SLC45A2: variants seen among roughly 807,000 people sequenced by gnomAD.
SLC45A2 encodes the protein membrane-associated transporter protein.
In SLC45A2, 36 loss-of-function variants were observed where a neutral mutation model predicts 45.5. That is an observed-to-expected ratio of 0.79 (90% CI 0.61 to 1.04). The LOEUF (loss-of-function observed/expected upper bound fraction) is 1.04, where lower values mean the gene tolerates loss of function less well. Among genes scored for constraint, SLC45A2 ranks in the 50% least tolerant of loss-of-function variants. SLC45A2 has a pLI of 0.00. For synonymous variants in SLC45A2, 306 were observed against 269.3 expected (o/e 1.14, Z -1.33); for missense variants, 719 against 671.0 (o/e 1.07, Z -0.79).
intron 5 of SLC45A2, 30 bp from the exon 6 acceptor site, chr5:33,947,404 G>A: frequency 6.4e-7 from 1 of 1,566,530 alleles, no homozygotes; most frequent in Non-Finnish European, 8.8e-7. Flanking sequence ...AGAAATTACA[G>A]CTGGCAGTGC....
At chr5:33,951,970 ATCT>A (rs1420793362) in intron 4 of SLC45A2, among the ~76,000 whole-genome samples, 1 of 151,910 alleles carries the variant, frequency 6.6e-6, no homozygotes, top group African/African-American at 2.4e-5. Flanking sequence ...CCCACCACTC[ATCT>A]TCTGCTACAG....
In SLC45A2 at chr5:33,944,787, A is replaced by G. The variant is rs749544685; in HGVS notation, c.1454T>C (p.Leu485Pro). The stretch of plus-strand genomic sequence containing the variant: ...GCCACCTCCGACCAGGATCTGAGCC[A>G]GCTGCACCATGCATGTGAGGGTGGC... The part of the protein sequence containing the change: ...DCATLTCMVQ[L>P]AQILVGGGLG... The change falls in exon 7 of 7, where the codon CTG becomes CCG. Residue 485 changes from leucine to proline, a missense_variant. Coordinates refer to ENST00000296589, the MANE Select transcript of SLC45A2 (RefSeq NM_016180.5). The G allele has an allele frequency of 1.3e-5, 21 of 1,614,104 alleles. No homozygotes were observed. The Admixed American group carries it at 2.5e-4, about 19-fold the overall frequency.
At chr5:33,975,078 T>C (rs988475776) in intron 2 of SLC45A2, among the ~76,000 whole-genome samples, 1 of 152,204 alleles carries the variant, frequency 6.6e-6, no homozygotes, top group African/African-American at 2.4e-5. Flanking sequence ...TTTTAAGTTG[T>C]TTTTCTAGTT....
At position 33,984,259 on chromosome 5, in the gene SLC45A2, G is replaced by A. The variant is rs770834987; in HGVS notation, c.325C>T (p.Leu109=). 3.7e-6 allele frequency: 6 copies of A among 1,614,046 alleles called. No individual in the cohort carries two copies. In the African/African-American group the frequency reaches 8.0e-5, roughly 22 times the overall value. ...ATGCCCACGAGCATCATGACTCCCAGGGTGAGGATGTAGGGTCTCCGGCGG... is the reference window on the plus strand; with the variant it reads ...ATGCCCACGAGCATCATGACTCCCAAGGTGAGGATGTAGGGTCTCCGGCGG... ...WGRRRPYILT[L]GVMMLVGMAL... Residue 109 remains leucine, a synonymous_variant, in exon 1 of 7, where the codon CTG becomes TTG. Coordinates refer to ENST00000296589, the MANE Select transcript of SLC45A2 (RefSeq NM_016180.5).
chr5:33,963,606 G>T, intron 3 of SLC45A2, 85 bp downstream of exon 3: 1 of 1,473,326 alleles, frequency 6.8e-7, no homozygotes, highest in Non-Finnish European at 9.3e-7. Context: ...TCGTCAAACA[G>T]ACAAAACAAA....
At chr5:33,983,993 CAT>C (rs1279582645) in intron 1 of SLC45A2, among the ~76,000 whole-genome samples, 1 of 152,022 alleles carries the variant, frequency 6.6e-6, no homozygotes, top group Non-Finnish European at 1.5e-5. Flanking sequence ...AACAATGAAA[CAT>C]ATTTATTTTG....
intron 2 of SLC45A2, among the ~76,000 whole-genome samples, chr5:33,975,571 T>C (rs1752904937): frequency 6.6e-6 from 1 of 152,244 alleles, no homozygotes. Flanking sequence ...CATTTTCTTA[T>C]AATAGTCTTG....
rs77278088 is a variant in SLC45A2, at chr5:33,944,961, A to G, written c.1369-89T>C. The G allele has an allele frequency of 1.7e-4, 207 of 1,207,080 alleles. No individual in the cohort carries two copies. In the African/African-American group the frequency reaches 2.9e-3, roughly 17 times the overall value. The allele number at this position is 1,207,080 out of a possible 1,614,324, so 74.8% of individuals were successfully genotyped here. A position where few individuals can be genotyped will look rare whatever the true frequency, so the allele number is the denominator to read the frequency against. On this transcript the variant is annotated intron_variant, in intron 6 of 6. Transcript: ENST00000296589. Reference sequence around the variant, plus strand: ...GCAAAATTTTTCTGTGACCAGCCAGATAGTAAATACCTTTGGCTTCGTGGA... The same window carrying G: ...GCAAAATTTTTCTGTGACCAGCCAGGTAGTAAATACCTTTGGCTTCGTGGA...
intron 3 of SLC45A2, among the ~76,000 whole-genome samples, chr5:33,956,244 G>T (rs1389236169): frequency 2.0e-5 from 3 of 152,104 alleles, no homozygotes; most frequent in Non-Finnish European, 4.4e-5. Flanking sequence ...CAGATCAACT[G>T]CAGACAAGAG....
Position 33,944,766 on chromosome 5 carries a change from C to T in SLC45A2, c.1475G>A (p.Gly492Asp). 6.2e-7 allele frequency: 1 copy of T among 1,614,228 alleles called. No individual in the cohort carries two copies. The highest frequency in any genetic ancestry group is 8.5e-7 in the Non-Finnish European group (1 of 1,180,044). ...TGTGTTGACCAGAAAGCCCAGGCCA[C>T]CTCCGACCAGGATCTGAGCCAGCTG... is the stretch of plus-strand genomic sequence containing the variant. ...MVQLAQILVG[G>D]GLGFLVNTAG... The change falls in exon 7 of 7, where the codon GGT becomes GAT. Residue 492 changes from glycine (G) to aspartate (D), a missense_variant. By Grantham distance (94) the Gly-to-Asp change is moderately conservative. Transcript: ENST00000296589.
At position 33,951,717 on chromosome 5, in the gene SLC45A2, T is replaced by C. The variant is rs747269809; in HGVS notation, c.1033-40A>G. On this transcript the variant is annotated intron_variant, in intron 4 of 6. Transcript: ENST00000296589. ...GGAGGCTGTTGAGGTACAAATGCAA[T>C]GTAGTAAGAACCCTTCTCATGCACT... 9.9e-6 allele frequency: 16 copies of C among 1,613,878 alleles called. No individual in the cohort carries two copies. The South Asian group carries it at 1.6e-4, about 17-fold the overall frequency.
intron 1 of SLC45A2, 82 bp downstream of exon 1, chr5:33,984,117 C>T: frequency 6.3e-7 from 1 of 1,588,652 alleles, no homozygotes; most frequent in Non-Finnish European, 8.6e-7. Flanking sequence ...TAGGAAAGGT[C>T]AAACACATGA....
chr5:33,951,415 G>C, intron 5 of SLC45A2, 139 bp downstream of exon 5: 1 of 1,586,142 alleles, frequency 6.3e-7, no homozygotes, highest in South Asian at 1.1e-5. Flanking sequence ...TTTTTAAGGT[G>C]ATAGTTTTTC....
Position 33,984,464 on chromosome 5 carries a change from C to T in SLC45A2, c.120G>A (p.Met40Ile). The T allele has an allele frequency of 6.2e-7, 1 of 1,613,752 alleles. No homozygotes were observed. Among genetic ancestry groups the T allele is most frequent in the Non-Finnish European group, 8.5e-7 (1 of 1,180,026 alleles). The change falls in exon 1 of 7, where the codon ATG becomes ATA. Residue 40 changes from methionine (M) to isoleucine (I), a missense_variant. Physicochemically the swap from Met to Ile is conservative, Grantham distance 10. Transcript: ENST00000296589. ...RPTSRLIMHS[M>I]AMFGREFCYA... ...AGCAGAACTCTCTTCCGAACATGGC[C>T]ATGCTGTGCATGATGAGTCTGCTGG... is the stretch of plus-strand genomic sequence containing the variant.
intron 3 of SLC45A2, among the ~76,000 whole-genome samples, chr5:33,958,639 C>A (rs1427448319): frequency 2.6e-5 from 4 of 152,176 alleles, no homozygotes; most frequent in Non-Finnish European, 5.9e-5. Context: ...ACCTTGGCCT[C>A]ATGAGTTGCT....
At chr5:33,949,189 A>G (rs1406399746) in intron 5 of SLC45A2, among the ~76,000 whole-genome samples, 2 of 152,208 alleles carry the variant, frequency 1.3e-5, no homozygotes, top group African/African-American at 4.8e-5. Context: ...CCACCTCAGC[A>G]GCCAGATTGT....
intron 6 of SLC45A2, chr5:33,946,769 G>T (rs1751941599): frequency 2.7e-6 from 3 of 1,130,846 alleles, no homozygotes; most frequent in Non-Finnish European, 3.3e-6. Flanking sequence ...GACCCTTATT[G>T]TCGGTATCTA....
Position 33,951,535 on chromosome 5 carries a change from AGG to A in SLC45A2, c.1156+17_1156+18del, listed in dbSNP as rs763706309. 3.7e-5 allele frequency: 60 copies of A among 1,614,066 alleles called. No individual in the cohort carries two copies. The highest frequency in any genetic ancestry group is 4.8e-5 in the Non-Finnish European group (57 of 1,179,982). Reference sequence around the variant, plus strand: ...CCAGAAACTTTTAGAAGACATCCTTAGGAGAGAGAAAGACTTACAAGAATAAA... The same window carrying A: ...CCAGAAACTTTTAGAAGACATCCTTAAGAGAGAAAGACTTACAAGAATAAA... On this transcript the variant is annotated intron_variant, in intron 5 of 6. Coordinates refer to ENST00000296589, the MANE Select transcript of SLC45A2 (RefSeq NM_016180.5).
intron 3 of SLC45A2, among the ~76,000 whole-genome samples, chr5:33,962,819 A>G (rs1378827627): frequency 6.6e-6 from 1 of 152,262 alleles, no homozygotes; most frequent in Non-Finnish European, 1.5e-5. Context: ...ACAAGTCAGC[A>G]GCTAGAGGAA....
Sources: gnomAD v4.1 joint callset for allele counts (sites outside exome capture counted in the v4.1 genomes callset) on GRCh38, gnomAD v4.1.1 for gene constraint, MANE v1.5 for transcripts, NCBI Gene and HGNC (gene_info 2026-07-23, HGNC 2026-07-21) for gene names.